The following GRIA1 variants were observed in gnomAD, a reference collection of about 807,000 sequenced individuals.
GRIA1 encodes the protein glutamate ionotropic receptor AMPA type subunit 1, also known as glutamate receptor 1.
A neutral mutation model predicts 99.2 loss-of-function variants in GRIA1; 31 were observed. That is an observed-to-expected ratio of 0.31 (90% CI 0.23 to 0.42). The LOEUF (loss-of-function observed/expected upper bound fraction) is 0.42. GRIA1 is among the 10% of genes least tolerant of loss of function. GRIA1 has a pLI of 1.00. For synonymous variants in GRIA1, 438 were observed against 432.4 expected (o/e 1.01, Z -0.16); for missense variants, 782 against 1,157.5 (o/e 0.68, Z 4.71).
chr5:153,581,055 C>G (rs17591636), intron 2 of GRIA1, among the ~76,000 whole-genome samples: 15,287 of 152,242 alleles, frequency 0.1, 909 homozygotes, highest in South Asian at 0.25. Context: ...CAGCGGCTTA[C>G]GTAGCAGCTC....
At chr5:153,577,287 G>C (rs1046101570) in intron 2 of GRIA1, among the ~76,000 whole-genome samples, 5 of 152,182 alleles carry the variant, frequency 3.3e-5, no homozygotes, top group Non-Finnish European at 5.9e-5. Context: ...GGTAACTCCA[G>C]CTTCAGCAGA....
chr5:153,494,251 A>C (rs1192189014), intron 2 of GRIA1, 186 bp downstream of exon 2: 2 of 594,498 alleles, frequency 3.4e-6, no homozygotes, highest in Non-Finnish European at 2.9e-6. Context: ...TAGCCCCTGC[A>C]ATGCTTCATG....
At chr5:153,624,671 A>G (rs1040450654) in intron 2 of GRIA1, among the ~76,000 whole-genome samples, 1 of 149,734 alleles carries the variant, frequency 6.7e-6, no homozygotes, top group Middle Eastern at 3.4e-3. Context: ...AACAGGGGGG[A>G]AAAAAATTGA....
chr5:153,768,506 G>A lies in GRIA1; in HGVS notation c.2023-1662G>A, dbSNP rs192075550. On this transcript the variant is annotated intron_variant, in intron 12 of 15. Coordinates refer to ENST00000285900, the MANE Select transcript of GRIA1 (RefSeq NM_000827.4). Reference sequence around the variant, plus strand: ...TAGATTGTAAACCGGACTGTAAAACGAGTGATATAGTTTATCTAATTATAG... The same window carrying A: ...TAGATTGTAAACCGGACTGTAAAACAAGTGATATAGTTTATCTAATTATAG... Among the ~76,000 whole-genome samples the A allele has an allele frequency of 1.4e-4, 21 of 152,212 alleles. No homozygotes were observed. In the East Asian group the frequency reaches 3.1e-3, roughly 22 times the overall value.
chr5:153,660,683 C>G (rs1393026317), intron 5 of GRIA1, among the ~76,000 whole-genome samples: 1 of 152,186 alleles, frequency 6.6e-6, no homozygotes, highest in Non-Finnish European at 1.5e-5. Flanking sequence ...TTTAGGTACT[C>G]ATATTGGCAA....
At chr5:153,697,451 A>C (rs1303745379) in intron 8 of GRIA1, among the ~76,000 whole-genome samples, 1 of 152,220 alleles carries the variant, frequency 6.6e-6, no homozygotes, top group African/African-American at 2.4e-5. Context: ...AATTTGAAAA[A>C]TTAATATTGT....
At chr5:153,680,735 G>A (rs1043467603) in intron 7 of GRIA1, among the ~76,000 whole-genome samples, 5 of 152,196 alleles carry the variant, frequency 3.3e-5, no homozygotes, top group Admixed American at 6.5e-5. Context: ...AGTTTAAGAC[G>A]CAGTCCTGCC....
intron 2 of GRIA1, among the ~76,000 whole-genome samples, chr5:153,538,523 G>A (rs1479442594): frequency 1.3e-5 from 2 of 152,078 alleles, no homozygotes; most frequent in East Asian, 3.9e-4. Flanking sequence ...GTCTGGCTAT[G>A]CCTGCAGGTT....
At chr5:153,513,332 TC>T (rs1756289717) in intron 2 of GRIA1, among the ~76,000 whole-genome samples, 1 of 151,992 alleles carries the variant, frequency 6.6e-6, no homozygotes, top group African/African-American at 2.4e-5. Flanking sequence ...TCCTTCCACT[TC>T]TCTTCATCTC....
chr5:153,562,552 T>G (rs1386086606), intron 2 of GRIA1, among the ~76,000 whole-genome samples: 1 of 152,224 alleles, frequency 6.6e-6, no homozygotes, highest in South Asian at 2.1e-4. Flanking sequence ...AATTCATGCA[T>G]GTCTTTGTAG....
chr5:153,574,142 A>C (rs994022426), intron 2 of GRIA1, among the ~76,000 whole-genome samples: 1 of 152,212 alleles, frequency 6.6e-6, no homozygotes, highest in African/African-American at 2.4e-5. Context: ...TGGTAGTTTA[A>C]TGATTTAGAG....
intron 7 of GRIA1, among the ~76,000 whole-genome samples, chr5:153,683,489 A>C (rs559818512): frequency 2.1e-4 from 32 of 152,244 alleles, no homozygotes; most frequent in African/African-American, 7.5e-4. Context: ...TGCTCTGGCT[A>C]CTCACTGGGT....
At chr5:153,785,143 G>T (rs777276004) in intron 13 of GRIA1, among the ~76,000 whole-genome samples, 1 of 152,134 alleles carries the variant, frequency 6.6e-6, no homozygotes, top group Non-Finnish European at 1.5e-5. Flanking sequence ...AGGAGGAAAA[G>T]GTGAACTGGA....
intron 5 of GRIA1, among the ~76,000 whole-genome samples, chr5:153,656,763 T>C (rs1326929274): frequency 6.6e-6 from 1 of 152,186 alleles, no homozygotes; most frequent in Non-Finnish European, 1.5e-5. Context: ...TTTCAATATA[T>C]TCACAAAGTT....
intron 2 of GRIA1, among the ~76,000 whole-genome samples, chr5:153,585,465 T>A (rs1353062676): frequency 2.6e-5 from 4 of 151,866 alleles, no homozygotes; most frequent in Admixed American, 1.3e-4. Context: ...CCCACAACCA[T>A]GCCCAGCTAA....
At chr5:153,631,904 G>A (rs999556368) in intron 2 of GRIA1, among the ~76,000 whole-genome samples, 1 of 152,018 alleles carries the variant, frequency 6.6e-6, no homozygotes, top group South Asian at 2.1e-4. Flanking sequence ...AAGAGTTTTG[G>A]GCAGTGAGAA....
intron 12 of GRIA1, among the ~76,000 whole-genome samples, chr5:153,769,861 T>G (rs112716676): frequency 2.0e-5 from 3 of 152,074 alleles, no homozygotes; most frequent in Non-Finnish European, 2.9e-5. Flanking sequence ...GGTCCTTTAA[T>G]GTATTTAAAA....
intron 13 of GRIA1, among the ~76,000 whole-genome samples, chr5:153,786,052 T>C (rs1764946868): frequency 6.6e-6 from 1 of 152,206 alleles, no homozygotes; most frequent in African/African-American, 2.4e-5. Flanking sequence ...TTTTCAACCT[T>C]GTCTCTTCCT....
intron 8 of GRIA1, among the ~76,000 whole-genome samples, chr5:153,695,811 G>A (rs922218266): frequency 3.3e-5 from 5 of 152,250 alleles, no homozygotes; most frequent in African/African-American, 9.6e-5. Flanking sequence ...CATGCTCCCC[G>A]TCAGACCTCC....
Sources: allele counts gnomAD v4.1 joint callset (sites outside exome capture counted in the v4.1 genomes callset), GRCh38; gene constraint gnomAD v4.1.1; transcripts MANE v1.5; gene names NCBI Gene and HGNC (gene_info 2026-07-23, HGNC 2026-07-21).